The following ATP9B variants were observed in gnomAD, a reference collection of about 807,000 sequenced individuals.
ATP9B encodes probable phospholipid-transporting ATPase IIB.
ATP9B carries 110 observed loss-of-function variants against 146.1 expected under a neutral mutation model. That is an observed-to-expected ratio of 0.75 (90% CI 0.65 to 0.88). The LOEUF (loss-of-function observed/expected upper bound fraction) is 0.88. Ranked by LOEUF, ATP9B falls within the 40% of genes least tolerant of loss-of-function variation. The pLI is 0.00. For missense variants in ATP9B, 1,499 were observed against 1,496.4 expected (o/e 1.00, Z -0.03); for synonymous variants, 604 against 569.7 (o/e 1.06, Z -0.86).
In ATP9B at chr18:79,349,722, G is replaced by A. The variant is rs115960654; in HGVS notation, c.2903+1526G>A. 6.5e-3 allele frequency among the ~76,000 whole-genome samples: 990 copies of A among 152,162 alleles called. 5 individuals are homozygous for A. Among genetic ancestry groups the A allele is most frequent in the African/African-American group, 0.022 (926 of 41,506 alleles). ...GTTAGAATCACTGAGAGGCGCCCCC[G>A]TCATCCTGAGCTGTCCAAGGAGCAT... On this transcript the variant is annotated intron_variant, in intron 25 of 29. Coordinates refer to ENST00000426216, the MANE Select transcript of ATP9B (RefSeq NM_198531.5).
chr18:79,316,934 A>G (rs936672341), intron 15 of ATP9B, among the ~76,000 whole-genome samples: 1 of 152,260 alleles, frequency 6.6e-6, no homozygotes, highest in African/African-American at 2.4e-5. Flanking sequence ...GAAACTATCC[A>G]TATGTAAGAG....
chr18:79,072,016 C>A (rs1233191953), intron 1 of ATP9B, among the ~76,000 whole-genome samples: 1 of 149,514 alleles, frequency 6.7e-6, no homozygotes, highest in East Asian at 2.0e-4. Context: ...ATTTGGATTT[C>A]CAGTGTTAAG....
chr18:79,237,983 C>T (rs1054970921), intron 11 of ATP9B, among the ~76,000 whole-genome samples: 8 of 152,050 alleles, frequency 5.3e-5, no homozygotes, highest in African/African-American at 1.9e-4. Context: ...AGCCACTGTG[C>T]CTGGCTTTGA....
At chr18:79,103,139 A>G (rs1384269523) in intron 2 of ATP9B, among the ~76,000 whole-genome samples, 1 of 152,202 alleles carries the variant, frequency 6.6e-6, no homozygotes, top group Non-Finnish European at 1.5e-5. Context: ...AGCATTGTGC[A>G]GTAGCGAGAA....
At chr18:79,277,017 G>A in intron 12 of ATP9B, 37 bp from the exon 13 acceptor site, 1 of 1,613,290 alleles carries the variant, frequency 6.2e-7, no homozygotes, top group Non-Finnish European at 8.5e-7. Flanking sequence ...CATGGCTCTG[G>A]ATCACACTAA....
chr18:79,348,248 G>GAAAAAAAAAA (rs56654324), intron 25 of ATP9B, 52 bp downstream of exon 25: 3 of 827,708 alleles, frequency 3.6e-6, no homozygotes, highest in African/African-American at 2.1e-5. Context: ...CTTCTATTTT[G>GAAAAAAAAAA]AAAAAAAAAA....
At chr18:79,350,903 G>C (rs2096919180) in intron 25 of ATP9B, among the ~76,000 whole-genome samples, 1 of 151,860 alleles carries the variant, frequency 6.6e-6, no homozygotes, top group African/African-American at 2.4e-5. Flanking sequence ...CAAGTAGCTG[G>C]GATTGCAGGC....
At chr18:79,122,711 T>A (rs2094210892) in intron 4 of ATP9B, among the ~76,000 whole-genome samples, 1 of 152,220 alleles carries the variant, frequency 6.6e-6, no homozygotes, top group Non-Finnish European at 1.5e-5. Context: ...GGATATCTGC[T>A]GCTTTGGCTT....
At chr18:79,097,474 A>AT (rs1004922149) in intron 2 of ATP9B, among the ~76,000 whole-genome samples, 2 of 147,126 alleles carry the variant, frequency 1.4e-5, no homozygotes, top group African/African-American at 2.5e-5. Context: ...TTTTTTTTTA[A>AT]TTTTTTTAAT....
In ATP9B at chr18:79,179,878, CTT is replaced by C. The variant is rs1484916031; in HGVS notation, c.873+2974_873+2975del. ...TCGTTCTCTGAATTACTGAAGAAGA[CTT>C]TTAAGATCCCATACCTTTTGTAGAT... On this transcript the variant is annotated intron_variant, in intron 8 of 29. Transcript: ENST00000426216. Among the ~76,000 whole-genome samples, 17 of 152,292 alleles carry C rather than the reference CTT, an allele frequency of 1.1e-4. No individual in the cohort carries two copies. The East Asian group carries it at 3.3e-3, about 29-fold the overall frequency.
At chr18:79,087,695 T>G (rs1209603990) in intron 1 of ATP9B, 1 of 152,244 alleles carries the variant, frequency 6.6e-6, no homozygotes, top group African/African-American at 2.4e-5. Context: ...TTTAAGCTAG[T>G]TATTGTAATG....
chr18:79,258,427 C>A (rs1281933749), intron 12 of ATP9B, among the ~76,000 whole-genome samples: 3 of 152,156 alleles, frequency 2.0e-5, no homozygotes, highest in African/African-American at 7.2e-5. Context: ...AAGAGCCTCT[C>A]TCGAAAGAAA....
chr18:79,294,693 G>A (rs2096535134), intron 13 of ATP9B, among the ~76,000 whole-genome samples: 1 of 152,204 alleles, frequency 6.6e-6, no homozygotes, highest in Non-Finnish European at 1.5e-5. Flanking sequence ...GTTTAACATG[G>A]AGGAGTTATT....
chr18:79,324,157 G>A (rs901668189), intron 15 of ATP9B, among the ~76,000 whole-genome samples: 4 of 151,900 alleles, frequency 2.6e-5, no homozygotes, highest in Admixed American at 6.6e-5. Flanking sequence ...ATTTTTTTCC[G>A]ATTAAGTCGT....
At chr18:79,086,110 A>C (rs1231213722) in intron 1 of ATP9B, 1 of 151,916 alleles carries the variant, frequency 6.6e-6, no homozygotes. Context: ...GGAATCAGAG[A>C]CATTTTCTTA....
At chr18:79,250,111 A>G (rs1174506853) in intron 11 of ATP9B, among the ~76,000 whole-genome samples, 1 of 152,266 alleles carries the variant, frequency 6.6e-6, no homozygotes, top group African/African-American at 2.4e-5. Context: ...TGAGAAAGGT[A>G]ATAATGCTTT....
At chr18:79,151,832 C>T (rs1393049323) in intron 6 of ATP9B, among the ~76,000 whole-genome samples, 1 of 151,804 alleles carries the variant, frequency 6.6e-6, no homozygotes, top group Non-Finnish European at 1.5e-5. Context: ...ATCAACCCGT[C>T]GTCTACATTA....
chr18:79,337,298 A>G lies in ATP9B; in HGVS notation c.2132A>G (p.Lys711Arg). Residue 711 changes from lysine to arginine, a missense_variant, in exon 19 of 30, where the codon AAG becomes AGG. Transcript: ENST00000426216. ...CCCCAGAGCCGATACACTCAAGCCA[A>G]GCTGAGCATGCACGACAGGTCCCTC... ...QDFESRYTQAKLSMHDRSLKV... is the reference protein window; with the variant it reads ...QDFESRYTQARLSMHDRSLKV... 1 of 1,613,994 alleles carries G rather than the reference A, an allele frequency of 6.2e-7. No individual in the cohort carries two copies. The highest frequency in any genetic ancestry group is 8.5e-7 in the Non-Finnish European group (1 of 1,179,980).
chr18:79,253,488 G>A lies in ATP9B; in HGVS notation c.1215G>A (p.Trp405Ter). Residue 405 changes from tryptophan to a stop codon, truncating the protein, a stop_gained, in exon 12 of 30, where the codon TGG (tryptophan) becomes TGA (stop). Transcript: ENST00000426216. LOFTEE classifies it high-confidence loss of function. ...CCTTACAAGGATTTGTGGGTCCATG[G>A]TACCGCAATCTTTTTCGGTTCCTTC... is the stretch of plus-strand genomic sequence containing the variant. ...MVTLQGFVGPWYRNLFRFLLL... is the reference protein window; with the variant it reads ...MVTLQGFVGP The A allele has an allele frequency of 6.2e-7, 1 of 1,610,648 alleles. No homozygotes were observed. The highest frequency in any genetic ancestry group is 8.5e-7 in the Non-Finnish European group (1 of 1,179,022).
Sources: gnomAD v4.1 joint callset for allele counts (sites outside exome capture counted in the v4.1 genomes callset) on GRCh38, gnomAD v4.1.1 for gene constraint, MANE v1.5 for transcripts, NCBI Gene and HGNC (gene_info 2026-07-23, HGNC 2026-07-21) for gene names.